Variants in SYN3 observed in about 807,000 individuals in gnomAD.
The protein encoded by SYN3 is synapsin III, also known as synapsin-3.
In SYN3, 35 loss-of-function variants were observed where a neutral mutation model predicts 65.8. That is an observed-to-expected ratio of 0.53 (90% CI 0.41 to 0.70). The LOEUF is 0.70. Among genes scored for constraint, SYN3 ranks in the 30% least tolerant of loss-of-function variants. SYN3 has a pLI of 0.00. For missense variants in SYN3, 680 were observed against 749.0 expected (o/e 0.91, Z 1.08); for synonymous variants, 270 against 292.9 (o/e 0.92, Z 0.80).
chr22:32,822,816 TGAAA>T (rs1438911357), intron 6 of SYN3, among the ~76,000 whole-genome samples: 1 of 151,978 alleles, frequency 6.6e-6, no homozygotes, highest in Non-Finnish European at 1.5e-5. Context: ...GAAAGGTGAA[TGAAA>T]GAGTCATAAA....
rs1229358646 is a variant in SYN3 at position 32,513,572 on chromosome 22, A to G, written c.*120T>C. Reference sequence around the variant, plus strand: ...ATCGGTTCCTGGGTCAAAGGCATTTAGAAAGTATGTTCTCAGGCCCTCCAT... The same window carrying G: ...ATCGGTTCCTGGGTCAAAGGCATTTGGAAAGTATGTTCTCAGGCCCTCCAT... On this transcript the variant is annotated 3_prime_UTR_variant, in exon 14 of 14. Coordinates refer to ENST00000358763, the MANE Select transcript of SYN3 (RefSeq NM_003490.4). 6 of 1,315,082 alleles carry G rather than the reference A, an allele frequency of 4.6e-6. No homozygotes were observed. Among genetic ancestry groups the G allele is most frequent in the Non-Finnish European group, 5.2e-6 (5 of 961,574 alleles). 81.5% of individuals were successfully genotyped at this position (1,315,082 alleles called of 1,614,324 possible).
At chr22:32,552,152 G>A (rs149635022) in intron 7 of SYN3, among the ~76,000 whole-genome samples, 6,647 of 152,250 alleles carry the variant, frequency 0.044, 174 homozygotes, top group Non-Finnish European at 0.067. Context: ...AGGTTGAGGC[G>A]GAAGAATCGC....
chr22:32,949,430 T>A (rs2146813793), intron 3 of SYN3, among the ~76,000 whole-genome samples: 1 of 150,568 alleles, frequency 6.6e-6, no homozygotes, highest in South Asian at 2.1e-4. Flanking sequence ...AAAAAAAAAG[T>A]TTTGGGTTTT....
rs559023381 is a variant in SYN3, at chr22:32,794,656, C to T, written c.711+70259G>A. 4.6e-5 allele frequency among the ~76,000 whole-genome samples: 7 copies of T among 152,314 alleles called. 1 individual carries two copies. In the South Asian group the frequency reaches 1.5e-3, roughly 32 times the overall value. ...TCTAGAAGAGAACCAGGGATATCAACCACTAGGGGCAACAGAGTGTGCGAG... is the reference window on the plus strand; with the variant it reads ...TCTAGAAGAGAACCAGGGATATCAATCACTAGGGGCAACAGAGTGTGCGAG... On this transcript the variant is annotated intron_variant, in intron 6 of 13. Transcript: ENST00000358763.
chr22:32,625,898 A>G (rs1205469486), intron 6 of SYN3, among the ~76,000 whole-genome samples: 1 of 152,330 alleles, frequency 6.6e-6, no homozygotes, highest in East Asian at 1.9e-4. Flanking sequence ...TGCACAACAG[A>G]TAAAGATATC....
intron 4 of SYN3, among the ~76,000 whole-genome samples, chr22:32,872,924 G>A (rs572288425): frequency 8.8e-5 from 13 of 148,524 alleles, no homozygotes; most frequent in Admixed American, 2.7e-4. Flanking sequence ...TGGGTGCAAC[G>A]TGCCCTAAGC....
intron 6 of SYN3, among the ~76,000 whole-genome samples, chr22:32,604,615 G>T: frequency 8.1e-6 from 1 of 124,016 alleles, no homozygotes; most frequent in African/African-American, 3.3e-5. Flanking sequence ...TCCCTGAAAA[G>T]CCCTCCCGGG....
intron 6 of SYN3, among the ~76,000 whole-genome samples, chr22:32,689,329 A>G (rs1649669876): frequency 6.6e-6 from 1 of 152,164 alleles, no homozygotes; most frequent in Non-Finnish European, 1.5e-5. Flanking sequence ...TTTGCCACCT[A>G]ATGGCCGGGT....
chr22:33,049,733 G>A (rs555730122), intron 1 of SYN3, among the ~76,000 whole-genome samples: 14 of 152,234 alleles, frequency 9.2e-5, no homozygotes, highest in Admixed American at 2.6e-4. Flanking sequence ...GCACAGATTC[G>A]GTGCCAGCCG....
At chr22:33,043,794 C>T (rs2054007472) in intron 1 of SYN3, among the ~76,000 whole-genome samples, 1 of 152,122 alleles carries the variant, frequency 6.6e-6, no homozygotes, top group African/African-American at 2.4e-5. Context: ...GTGGCTCACG[C>T]CTGTAATCCC....
At chr22:32,650,217 C>T (rs184139303) in intron 6 of SYN3, among the ~76,000 whole-genome samples, 2,675 of 117,770 alleles carry the variant, frequency 0.023, 158 homozygotes, top group African/African-American at 0.083. Context: ...ACTTTTCTTT[C>T]TCTCTCTCTC....
rs564165842 is a variant in SYN3 at position 32,935,689 on chromosome 22, C to G, written c.370-4208G>C. On this transcript the variant is annotated intron_variant, in intron 3 of 13. Transcript: ENST00000358763. ...TGGTCTCAAACTCCTGACCTCAGGG[C>G]GATCCACCCGCCTCAGCTTCCCAAA... Among the ~76,000 whole-genome samples, 3 of 152,174 alleles carry G rather than the reference C, an allele frequency of 2.0e-5. No homozygotes were observed. The South Asian group carries it at 6.2e-4, about 32-fold the overall frequency.
At chr22:32,866,488 C>G (rs557647884) in intron 5 of SYN3, among the ~76,000 whole-genome samples, 1 of 152,276 alleles carries the variant, frequency 6.6e-6, no homozygotes, top group Admixed American at 6.5e-5. Flanking sequence ...TTTGAAGAGG[C>G]CTAGCTCTAC....
chr22:32,545,254 CT>C, intron 7 of SYN3, among the ~76,000 whole-genome samples: 1 of 152,210 alleles, frequency 6.6e-6, no homozygotes, highest in Non-Finnish European at 1.5e-5. Context: ...CCCTGGGCTG[CT>C]TTTGTGCAGA....
intron 8 of SYN3, among the ~76,000 whole-genome samples, chr22:32,539,427 C>T (rs1191861108): frequency 6.6e-6 from 1 of 152,184 alleles, no homozygotes; most frequent in East Asian, 1.9e-4. Context: ...AGATGAAAGT[C>T]AGGGACATCC....
At chr22:32,616,139 T>A (rs1243965540) in intron 6 of SYN3, among the ~76,000 whole-genome samples, 1 of 151,944 alleles carries the variant, frequency 6.6e-6, no homozygotes, top group Non-Finnish European at 1.5e-5. Flanking sequence ...TGAGTTTCCG[T>A]GTAGAAGCCC....
At chr22:32,931,348 A>G (rs1308878117) in intron 4 of SYN3, 42 bp downstream of exon 4, 2 of 1,357,870 alleles carry the variant, frequency 1.5e-6, no homozygotes, top group East Asian at 4.6e-5. Context: ...GGTTCCACGT[A>G]TGCAATTCTC....
intron 10 of SYN3, among the ~76,000 whole-genome samples, chr22:32,532,485 G>A (rs1362615719): frequency 3.3e-5 from 5 of 152,408 alleles, no homozygotes; most frequent in East Asian, 1.9e-4. Flanking sequence ...AGGCGTTTCC[G>A]GGCCTTGAGA....
At position 33,006,603 on chromosome 22, in the gene SYN3, G is replaced by T. The variant is rs746239494; in HGVS notation, c.60C>A (p.Gly20=). 65 of 1,609,876 alleles carry T rather than the reference G, an allele frequency of 4.0e-5. No homozygotes were observed. The highest frequency in any genetic ancestry group is 5.3e-5 in the Non-Finnish European group (62 of 1,177,556). The change falls in exon 2 of 14, where the codon GGC becomes GGA. Residue 20 remains glycine (G), a synonymous_variant. Transcript: ENST00000358763. The stretch of plus-strand genomic sequence containing the variant: ...CTGGGCGTTGCAGGTCCGTCATATA[G>T]CCATTAGGCAGGTTGGCCATGAAGC... ...DSSFMANLPN[G]YMTDLQRPDS... is the part of the protein sequence containing the mutation.
Sources: allele counts gnomAD v4.1 joint callset (sites outside exome capture counted in the v4.1 genomes callset), GRCh38; gene constraint gnomAD v4.1.1; transcripts MANE v1.5; gene names NCBI Gene and HGNC (gene_info 2026-07-23, HGNC 2026-07-21).